CKAP2: variants seen among roughly 807,000 people sequenced by gnomAD.
The protein encoded by CKAP2 is cytoskeleton-associated protein 2.
A neutral mutation model predicts 58.4 loss-of-function variants in CKAP2; 46 were observed. The ratio of observed to expected loss-of-function variants is 0.79; its 90% CI spans 0.62 to 1.01. The LOEUF is 1.01. Among genes scored for constraint, CKAP2 ranks in the 50% least tolerant of loss-of-function variants. CKAP2 has a pLI of 0.00. For missense variants in CKAP2, 809 were observed against 796.4 expected (o/e 1.02, Z -0.19); for synonymous variants, 293 against 280.9 (o/e 1.04, Z -0.43).
chr13:52,461,423 G>A lies in CKAP2; in HGVS notation c.597G>A (p.Glu199=), dbSNP rs768841255. ...SFRKPLQVKD[E]SSAATKKLSA... is the part of the protein sequence containing the mutation. ...GAAAACCTCTACAAGTCAAAGATGA[G>A]AGTTCTGCAGCAACAAAGAAACTTT... Residue 199 remains glutamate (E), a synonymous_variant, in exon 4 of 9, where the codon GAG becomes GAA. Coordinates refer to ENST00000258607, the MANE Select transcript of CKAP2 (RefSeq NM_018204.5). The A allele has an allele frequency of 1.1e-5, 18 of 1,614,216 alleles. No homozygotes were observed. The Admixed American group carries it at 1.5e-4, about 13-fold the overall frequency.
chr13:52,473,087 T>G (rs1958781866), intron 7 of CKAP2, among the ~76,000 whole-genome samples: 2 of 152,154 alleles, frequency 1.3e-5, no homozygotes, highest in African/African-American at 4.8e-5. Flanking sequence ...ATTTCTCAGA[T>G]TGGACCCTTC....
At chr13:52,464,644 A>G (rs1173648536) in intron 5 of CKAP2, among the ~76,000 whole-genome samples, 2 of 151,964 alleles carry the variant, frequency 1.3e-5, no homozygotes, top group African/African-American at 4.8e-5. Flanking sequence ...ATTTGGACCA[A>G]AATCCTATGG....
At chr13:52,471,827 C>T (rs562027331) in intron 7 of CKAP2, among the ~76,000 whole-genome samples, 2 of 152,316 alleles carry the variant, frequency 1.3e-5, no homozygotes, top group African/African-American at 2.4e-5. Flanking sequence ...ATGACCTACA[C>T]GCTTACCTAG....
chr13:52,475,031 T>G lies in CKAP2; in HGVS notation c.1939T>G (p.Cys647Gly). The G allele has an allele frequency of 6.2e-7, 1 of 1,614,234 alleles. No individual in the cohort carries two copies. Among genetic ancestry groups the G allele is most frequent in the Non-Finnish European group, 8.5e-7 (1 of 1,180,044 alleles). Residue 647 changes from cysteine to glycine, a missense_variant, in exon 9 of 9, where the codon TGT becomes GGT. Cys to Gly is a radical substitution (Grantham distance 159). Around this residue, in one of 3 missense-constraint regions of CKAP2, gnomAD observed 283 missense variants for 287.6 expected, o/e 0.98. Coordinates refer to ENST00000258607, the MANE Select transcript of CKAP2 (RefSeq NM_018204.5). ...AGATATGTTAAAAGATCATTATCCT[T>G]GTGTGTCTTCATTGGAACAGCTAAC... Reference protein sequence around the residue: ...LPDMLKDHYPCVSSLEQLTEL... With the variant: ...LPDMLKDHYPGVSSLEQLTEL...
chr13:52,470,146 C>T (rs1275904219), intron 7 of CKAP2, among the ~76,000 whole-genome samples: 1 of 149,562 alleles, frequency 6.7e-6, no homozygotes, highest in Non-Finnish European at 1.5e-5. Flanking sequence ...TGCTCTGTTG[C>T]CCAGGCTGGA....
At position 52,474,505 on chromosome 13, in the gene CKAP2, CAG is replaced by C. The variant is rs796638199; in HGVS notation, c.1803-388_1803-387del. 5.3e-5 allele frequency among the ~76,000 whole-genome samples: 8 copies of C among 152,198 alleles called. No homozygotes were observed. In the South Asian group the frequency reaches 1.5e-3, roughly 28 times the overall value. On this transcript the variant is annotated intron_variant, in intron 8 of 8. Transcript: ENST00000258607. ...CCCTGTCTCAAAACAAAAAAGAAAA[CAG>C]AAAAGTTTTTAAACAAATAGAATGT... is the stretch of plus-strand genomic sequence containing the variant.
intron 7 of CKAP2, among the ~76,000 whole-genome samples, chr13:52,473,358 A>G (rs529200718): frequency 2.5e-3 from 386 of 152,276 alleles, no homozygotes; most frequent in Non-Finnish European, 4.0e-3. Context: ...TTGTTTACCT[A>G]TCTAAGCTCA....
At chr13:52,455,697 C>T (rs949548053) in intron 1 of CKAP2, 71 bp downstream of exon 1, 7 of 1,383,650 alleles carry the variant, frequency 5.1e-6, no homozygotes, top group South Asian at 1.8e-5. Flanking sequence ...GCGGTCGGGG[C>T]TCGGGGCCGC....
chr13:52,460,797 G>C, intron 2 of CKAP2, 102 bp from the exon 3 acceptor site: 2 of 949,570 alleles, frequency 2.1e-6, no homozygotes. Flanking sequence ...TTTAAAATTA[G>C]TAAGTCAGTT....
chr13:52,467,339 A>AT (rs1167189035), intron 6 of CKAP2, among the ~76,000 whole-genome samples: 1 of 152,216 alleles, frequency 6.6e-6, no homozygotes, highest in Non-Finnish European at 1.5e-5. Context: ...ATTTCATAGC[A>AT]TATGAAACAA....
intron 2 of CKAP2, 64 bp downstream of exon 2, chr13:52,456,671 T>A: frequency 2.4e-6 from 3 of 1,250,220 alleles, no homozygotes; most frequent in South Asian, 2.6e-5. Flanking sequence ...AATGAAAATG[T>A]AAAGTAAGCC....
At chr13:52,474,170 A>G in intron 8 of CKAP2, 86 bp downstream of exon 8, 1 of 1,284,702 alleles carries the variant, frequency 7.8e-7, no homozygotes, top group Non-Finnish European at 1.1e-6. Context: ...ATAGCTTCAG[A>G]TTACAGCTAC....
chr13:52,465,926 T>TATACACACATATAC, intron 6 of CKAP2: 1 of 322,940 alleles, frequency 3.1e-6, no homozygotes, highest in Non-Finnish European at 6.0e-6. Flanking sequence ...CACACATATA[T>TATACACACATATAC]ATACACACAT....
At chr13:52,469,635 G>A (rs1276321848) in intron 7 of CKAP2, among the ~76,000 whole-genome samples, 3 of 146,582 alleles carry the variant, frequency 2.0e-5, no homozygotes, top group African/African-American at 7.6e-5. Context: ...TGTCGCCCAG[G>A]CCAGACTGCG....
rs201847281 is a variant in CKAP2, at chr13:52,472,503, C to T, written c.1547-1326C>T. ...TAATTAAATTCAGAGGTTTTTTTTT[C>T]CAGCTCAATGGATTCACCAGGATGT... On this transcript the variant is annotated intron_variant, in intron 7 of 8. Transcript: ENST00000258607. Among the ~76,000 whole-genome samples the T allele has an allele frequency of 7.4e-3, 1,123 of 150,800 alleles. 6 individuals are homozygous for T. Among genetic ancestry groups the T allele is most frequent in the African/African-American group, 0.017 (701 of 41,158 alleles).
chr13:52,467,100 CAAAAAAAAAA>C (rs34473477), intron 6 of CKAP2, among the ~76,000 whole-genome samples: 15 of 110,658 alleles, frequency 1.4e-4, no homozygotes, highest in Middle Eastern at 4.6e-3. Context: ...CACCCTGTCT[CAAAAAAAAAA>C]AAAAAAAAAA....
Position 52,473,832 on chromosome 13 carries a change from A to T in CKAP2, c.1550A>T (p.Glu517Val), listed in dbSNP as rs768975894. 1 of 1,596,338 alleles carries T rather than the reference A, an allele frequency of 6.3e-7. No homozygotes were observed. Among genetic ancestry groups the T allele is most frequent in the South Asian group, 1.1e-5 (1 of 87,714 alleles). ...TCTATAAATGTATTTTCTATAGGAGAAAATATGGAGAAGTCTTGTGCAAGC... is the reference window on the plus strand; with the variant it reads ...TCTATAAATGTATTTTCTATAGGAGTAAATATGGAGAAGTCTTGTGCAAGC... ...MKSQEKANLGENMEKSCASKE... is the reference protein window; with the variant it reads ...MKSQEKANLGVNMEKSCASKE... The change falls in exon 8 of 9, where the codon GAA becomes GTA. Residue 517 changes from glutamate to valine, a missense_variant. Glu to Val is a moderately radical substitution (Grantham distance 121). This residue lies in a region of CKAP2 where 283 missense variants were observed against 287.6 expected (regional missense o/e 0.98). Coordinates refer to ENST00000258607, the MANE Select transcript of CKAP2 (RefSeq NM_018204.5).
At position 52,462,353 on chromosome 13, in the gene CKAP2, C is replaced by G. The variant is rs1958599358; in HGVS notation, c.1101-10C>G. 6.8e-6 allele frequency: 11 copies of G among 1,607,186 alleles called. No homozygotes were observed. Among genetic ancestry groups the G allele is most frequent in the Non-Finnish European group, 9.3e-6 (11 of 1,178,338 alleles). On this transcript the variant is annotated splice_polypyrimidine_tract_variant and intron_variant, in intron 4 of 8. Transcript: ENST00000258607. ...TTCAAAGTAACGTTTATATCTGCTT[C>G]TAACTATAGAGCTCGTCTGAGTGAG...
Position 52,465,422 on chromosome 13 carries a change from ATAT to A in CKAP2, c.1438_1440del (p.Ile480del), listed in dbSNP as rs757796870. On this transcript the variant is annotated inframe_deletion, in exon 6 of 9. Transcript: ENST00000258607. ...GAACCAATCACAAGTCCTATTGAAA[ATAT>A]TATTGCAATCTATGAGAAAGCCATT... The A allele has an allele frequency of 1.2e-6, 2 of 1,613,528 alleles. No individual in the cohort carries two copies. Among genetic ancestry groups the A allele is most frequent in the Admixed American group, 1.7e-5 (1 of 59,978 alleles).
Sources: allele counts gnomAD v4.1 joint callset (sites outside exome capture counted in the v4.1 genomes callset), GRCh38; gene constraint gnomAD v4.1.1; regional missense constraint gnomAD v4.1.1; transcripts MANE v1.5; gene names NCBI Gene and HGNC (gene_info 2026-07-23, HGNC 2026-07-21).